Variants in BAZ1A observed in about 807,000 individuals in gnomAD.
The protein encoded by BAZ1A is bromodomain adjacent to zinc finger domain protein 1A.
In BAZ1A, 50 loss-of-function variants were observed where a neutral mutation model predicts 185.2. The observed-to-expected ratio is 0.27, with a 90% confidence interval of 0.22 to 0.34. The LOEUF is 0.34. Among genes scored for constraint, BAZ1A ranks in the 10% least tolerant of loss-of-function variants. The probability of loss-of-function intolerance (pLI) is 1.00; values close to 1 mark genes in which losing one functional copy is unlikely to be tolerated. For synonymous variants in BAZ1A, 571 were observed against 615.6 expected, an observed-to-expected ratio of 0.93 and a Z score of 1.07; for missense variants, 1,356 against 1,839.9, an observed-to-expected ratio of 0.74 and a Z score of 4.81.
Position 34,833,401 on chromosome 14 carries a change from G to A in BAZ1A, c.393-7245C>T, listed in dbSNP as rs578244971. ...AAATTAGCCGGGCGTGGTGGCGCGC[G>A]CCTATAATCCCAGCTACTCAGGAGG... On this transcript the variant is annotated intron_variant, in intron 3 of 26. Coordinates refer to ENST00000360310, the MANE Select transcript of BAZ1A (RefSeq NM_013448.3). 1.9e-3 allele frequency among the ~76,000 whole-genome samples: 296 copies of A among 152,170 alleles called. 1 individual carries two copies. The highest frequency in any genetic ancestry group is 1.9e-3 in the South Asian group (9 of 4,824).
intron 3 of BAZ1A, among the ~76,000 whole-genome samples, chr14:34,833,021 A>C (rs1341908449): frequency 6.6e-6 from 1 of 152,210 alleles, no homozygotes; most frequent in Non-Finnish European, 1.5e-5. Context: ...AATGTGGATG[A>C]ACCTTGAAAA....
At chr14:34,864,497 T>C (rs1426061742) in intron 2 of BAZ1A, among the ~76,000 whole-genome samples, 1 of 151,264 alleles carries the variant, frequency 6.6e-6, no homozygotes, top group Non-Finnish European at 1.5e-5. Flanking sequence ...AATAATTTTT[T>C]TTAAATGGAG....
intron 21 of BAZ1A, among the ~76,000 whole-genome samples, chr14:34,767,115 T>C (rs868418829): frequency 1.3e-5 from 2 of 152,372 alleles, no homozygotes; most frequent in African/African-American, 2.4e-5. Context: ...GCATCAGTAA[T>C]ATTTTTCCAT....
At chr14:34,856,096 G>A (rs113677064) in intron 3 of BAZ1A, among the ~76,000 whole-genome samples, 26 of 152,216 alleles carry the variant, frequency 1.7e-4, no homozygotes, top group South Asian at 4.1e-4. Context: ...ATTGGAACAA[G>A]CAAGCTAAAC....
rs1395669970 is a variant in BAZ1A at position 34,765,017 on chromosome 14, A to G, written c.3549+4T>C. ...TTTCTAATCTGATAAGAAGAAAAAA[A>G]TACCTTGAGCTTTGGTCGAACACAG... On this transcript the variant is annotated splice_donor_region_variant and intron_variant, in intron 22 of 26. Coordinates refer to ENST00000360310, the MANE Select transcript of BAZ1A (RefSeq NM_013448.3). 6 of 1,613,508 alleles carry G rather than the reference A, an allele frequency of 3.7e-6. No homozygotes were observed. Among genetic ancestry groups the G allele is most frequent in the East Asian group, 2.2e-5 (1 of 44,890 alleles).
At chr14:34,765,502 A>T (rs1019993652) in intron 21 of BAZ1A, among the ~76,000 whole-genome samples, 1 of 152,232 alleles carries the variant, frequency 6.6e-6, no homozygotes, top group African/African-American at 2.4e-5. Context: ...ATGCTAAGGG[A>T]TTTTAATAGC....
intron 5 of BAZ1A, among the ~76,000 whole-genome samples, chr14:34,808,055 C>T (rs889118689): frequency 2.0e-5 from 3 of 151,596 alleles, no homozygotes; most frequent in African/African-American, 7.3e-5. Flanking sequence ...AAGATCACAC[C>T]AGTGCACTCC....
chr14:34,872,928 A>C (rs201657019), intron 2 of BAZ1A, among the ~76,000 whole-genome samples: 1 of 146,032 alleles, frequency 6.8e-6, no homozygotes, highest in Non-Finnish European at 1.5e-5. Flanking sequence ...AAAAAAAAAA[A>C]AAAAAAAAAA....
intron 3 of BAZ1A, among the ~76,000 whole-genome samples, chr14:34,853,190 T>C (rs1315250639): frequency 1.3e-5 from 2 of 152,234 alleles, no homozygotes; most frequent in Non-Finnish European, 2.9e-5. Flanking sequence ...CAATTTAGTG[T>C]TCCTGTCACA....
Position 34,758,841 on chromosome 14 carries a change from A to G in BAZ1A, c.4249T>C (p.Ser1417Pro). The change falls in exon 25 of 27, where the codon TCG becomes CCG. Residue 1417 changes from serine (S) to proline (P), a missense_variant. This residue lies in a region of BAZ1A where 309 missense variants were observed against 355.3 expected (regional missense o/e 0.87). Transcript: ENST00000360310. The part of the protein sequence containing the change: ...RCRKRQSPEP[S>P]PVTLGRRSSG... ...CTCCTTCGACCCAGTGTCACAGGCG[A>G]TGGCTCTGAGTAAATAATTACAACA... is the stretch of plus-strand genomic sequence containing the variant. 6.2e-7 allele frequency: 1 copy of G among 1,613,848 alleles called. No homozygotes were observed. The highest frequency in any genetic ancestry group is 8.5e-7 in the Non-Finnish European group (1 of 1,179,944).
intron 14 of BAZ1A, 137 bp from the exon 15 acceptor site, chr14:34,784,064 G>A: frequency 1.3e-6 from 1 of 798,626 alleles, no homozygotes; most frequent in South Asian, 2.1e-5. Context: ...TCAATGACAT[G>A]TCTTCAGGAA....
At position 34,785,937 on chromosome 14, in the gene BAZ1A, G is replaced by C. The variant is rs1307196552; in HGVS notation, c.1671C>G (p.Ile557Met). The C allele has an allele frequency of 6.2e-7, 1 of 1,613,992 alleles. No individual in the cohort carries two copies. Among genetic ancestry groups the C allele is most frequent in the African/African-American group, 1.3e-5 (1 of 74,930 alleles). The change falls in exon 14 of 27, where the codon ATC becomes ATG. Residue 557 changes from isoleucine to methionine, a missense_variant. Coordinates refer to ENST00000360310, the MANE Select transcript of BAZ1A (RefSeq NM_013448.3). ...CTLSEILRLH[I>M]LASGADVTSA... is the part of the protein sequence containing the mutation. ...ATGTTACATCAGCACCTGAAGCTAA[G>C]ATGTGCAGTCTGAGGATTTCTGAAA...
intron 4 of BAZ1A, among the ~76,000 whole-genome samples, chr14:34,815,200 A>G (rs894660367): frequency 6.6e-6 from 1 of 152,172 alleles, no homozygotes; most frequent in African/African-American, 2.4e-5. Context: ...ATTTTTTTCT[A>G]ATCAGTGAAA....
In BAZ1A at chr14:34,786,018, T is replaced by C. The variant is rs1880414900; in HGVS notation, c.1607-17A>G. On this transcript the variant is annotated splice_polypyrimidine_tract_variant and intron_variant, in intron 13 of 26. Coordinates refer to ENST00000360310, the MANE Select transcript of BAZ1A (RefSeq NM_013448.3). The stretch of plus-strand genomic sequence containing the variant: ...AACTGCAGCCTATAGTTGTTAAAAA[T>C]GAAATAGTCATTTAGAATATAAACA... 6.2e-7 allele frequency: 1 copy of C among 1,608,614 alleles called. No individual in the cohort carries two copies. The highest frequency in any genetic ancestry group is 8.5e-7 in the Non-Finnish European group (1 of 1,176,616).
In BAZ1A at chr14:34,772,737, C is replaced by T. The variant is rs564102712; in HGVS notation, c.3152+835G>A. On this transcript the variant is annotated intron_variant, in intron 20 of 26. Coordinates refer to ENST00000360310, the MANE Select transcript of BAZ1A (RefSeq NM_013448.3). ...TACAACGATGGAATAGATGGGACTA[C>T]AAGTGCATGCCGGCCAGGCGTGGTG... Among the ~76,000 whole-genome samples, 523 of 152,176 alleles carry T rather than the reference C, an allele frequency of 3.4e-3. 1 individual carries two copies. Among genetic ancestry groups the T allele is most frequent in the Non-Finnish European group, 6.1e-3 (412 of 67,966 alleles).
At chr14:34,770,047 T>C (rs1449934042) in intron 21 of BAZ1A, among the ~76,000 whole-genome samples, 1 of 152,242 alleles carries the variant, frequency 6.6e-6, no homozygotes, top group Non-Finnish European at 1.5e-5. Context: ...AATGAGATAC[T>C]GGCCACAACT....
At chr14:34,820,118 C>A (rs937749195) in intron 4 of BAZ1A, among the ~76,000 whole-genome samples, 7 of 133,398 alleles carry the variant, frequency 5.2e-5, no homozygotes, top group African/African-American at 1.9e-4. Context: ...TAATTGGGTT[C>A]CTCGTTTTTT....
chr14:34,824,427 A>T (rs2042136297), intron 4 of BAZ1A, among the ~76,000 whole-genome samples: 1 of 121,064 alleles, frequency 8.3e-6, no homozygotes, highest in Non-Finnish European at 2.0e-5. Context: ...AAAAAAAAAA[A>T]GAAGAGATGT....
Position 34,863,051 on chromosome 14 carries a change from G to A in BAZ1A, c.114-729C>T, listed in dbSNP as rs150100087. The stretch of plus-strand genomic sequence containing the variant: ...TCACCCAGGCTGGAATACAGTGGCC[G>A]GATCTCGGCTCACTGCAACCTCCAC... On this transcript the variant is annotated intron_variant, in intron 2 of 26. Coordinates refer to ENST00000360310, the MANE Select transcript of BAZ1A (RefSeq NM_013448.3). Among the ~76,000 whole-genome samples the A allele has an allele frequency of 4.7e-4, 68 of 146,012 alleles. 1 individual carries two copies. The East Asian group carries it at 0.012, about 26-fold the overall frequency.
Sources: gnomAD v4.1 joint callset for allele counts (sites outside exome capture counted in the v4.1 genomes callset) on GRCh38, gnomAD v4.1.1 for gene constraint, gnomAD v4.1.1 regional missense constraint, MANE v1.5 for transcripts, NCBI Gene and HGNC (gene_info 2026-07-23, HGNC 2026-07-21) for gene names.